SAMD4A: variants seen among roughly 807,000 people sequenced by gnomAD.
The protein encoded by SAMD4A is protein Smaug homolog 1.
SAMD4A carries 33 observed loss-of-function variants against 81.3 expected under a neutral mutation model. The observed-to-expected ratio is 0.41, with a 90% CI of 0.31 to 0.54. The LOEUF (loss-of-function observed/expected upper bound fraction) is 0.54, where lower values mean the gene tolerates loss of function less well. Among genes scored for constraint, SAMD4A ranks in the 20% least tolerant of loss-of-function variants. The probability of loss-of-function intolerance (pLI) is 0.37; values close to 1 mark genes in which losing one functional copy is unlikely to be tolerated. For missense variants in SAMD4A, 854 were observed against 951.1 expected (o/e 0.90, Z 1.34); for synonymous variants, 389 against 382.1 (o/e 1.02, Z -0.21).
At chr14:54,638,913 A>T (rs1329426108) in intron 2 of SAMD4A, among the ~76,000 whole-genome samples, 1 of 152,258 alleles carries the variant, frequency 6.6e-6, no homozygotes, top group Non-Finnish European at 1.5e-5. Context: ...AAGAGAGTTT[A>T]CTGCCTAAAT....
At chr14:54,741,715 C>A (rs1226588230) in intron 4 of SAMD4A, among the ~76,000 whole-genome samples, 1 of 152,180 alleles carries the variant, frequency 6.6e-6, no homozygotes, top group East Asian at 1.9e-4. Flanking sequence ...GGAGATAAGT[C>A]AAGGAAAGTT....
chr14:54,703,564 T>C (rs1159754371), intron 3 of SAMD4A: 2 of 152,018 alleles, frequency 1.3e-5, no homozygotes, highest in Non-Finnish European at 2.9e-5. Context: ...AGTTAAAAGA[T>C]ATGAGAGGAT....
chr14:54,770,196 C>T lies in SAMD4A; in HGVS notation c.1689C>T (p.Asp563=), dbSNP rs761374701. The T allele has an allele frequency of 9.9e-6, 16 of 1,612,366 alleles. No individual in the cohort carries two copies. Among genetic ancestry groups the T allele is most frequent in the Admixed American group, 6.7e-5 (4 of 59,998 alleles). Residue 563 remains aspartate (D), a synonymous_variant, in exon 9 of 13, where the codon GAC becomes GAT. Coordinates refer to ENST00000554335, the MANE Select transcript of SAMD4A (RefSeq NM_015589.6). ...CTTTCCCTCGGAAAACCCTTCTAGA[C>T]ATATCAGGATATCGACAGCAAAGAA... ...FRSFPRKTLL[D]ISGYRQQRNR...
intron 2 of SAMD4A, among the ~76,000 whole-genome samples, chr14:54,686,248 G>A (rs760815323): frequency 3.9e-5 from 6 of 152,194 alleles, no homozygotes; most frequent in Non-Finnish European, 7.3e-5. Context: ...ATCAGCTGAG[G>A]TGGGGATGCC....
chr14:54,748,797 G>A lies in SAMD4A; in HGVS notation c.980-18G>A, dbSNP rs1381923872. 1.3e-6 allele frequency: 2 copies of A among 1,515,390 alleles called. No homozygotes were observed. The highest frequency in any genetic ancestry group is 2.0e-5 in the Admixed American group (1 of 50,820). The allele number at this position is 1,515,390 out of a possible 1,614,324, so 93.9% of individuals were successfully genotyped here. A position where few individuals can be genotyped will look rare whatever the true frequency, so the allele number is the denominator to read the frequency against. ...CCTCTCATTTCTCTCCCCATCTCTT[G>A]CACATCTTGCACCACAGATGTTCCA... On this transcript the variant is annotated intron_variant, in intron 4 of 12. Coordinates refer to ENST00000554335, the MANE Select transcript of SAMD4A (RefSeq NM_015589.6).
intron 2 of SAMD4A, among the ~76,000 whole-genome samples, chr14:54,700,797 T>C (rs1309488168): frequency 6.6e-6 from 1 of 152,178 alleles, no homozygotes; most frequent in Admixed American, 6.5e-5. Flanking sequence ...CTTCTGAGTG[T>C]GTTAAAAACA....
intron 2 of SAMD4A, among the ~76,000 whole-genome samples, chr14:54,677,695 G>A (rs1194090609): frequency 2.6e-5 from 4 of 152,250 alleles, no homozygotes; most frequent in East Asian, 1.9e-4. Flanking sequence ...ATTTTTGTGG[G>A]GCAGATTGTT....
At chr14:54,695,025 C>T in intron 2 of SAMD4A, 1 of 548,688 alleles carries the variant, frequency 1.8e-6, no homozygotes, top group Non-Finnish European at 2.3e-6. Flanking sequence ...ACCTGATGAC[C>T]TTCTGCTGTC....
intron 3 of SAMD4A, among the ~76,000 whole-genome samples, chr14:54,729,072 G>A (rs1387711587): frequency 6.6e-6 from 1 of 152,122 alleles, no homozygotes; most frequent in African/African-American, 2.4e-5. Flanking sequence ...GACAAGTGCT[G>A]GTAGCAACAA....
At chr14:54,686,631 A>G (rs997943750) in intron 2 of SAMD4A, among the ~76,000 whole-genome samples, 3 of 151,530 alleles carry the variant, frequency 2.0e-5, no homozygotes, top group Non-Finnish European at 4.4e-5. Context: ...AAAGGAGAGT[A>G]TTATGAATGT....
chr14:54,697,336 A>G (rs2036602106), intron 2 of SAMD4A, among the ~76,000 whole-genome samples: 1 of 152,226 alleles, frequency 6.6e-6, no homozygotes, highest in African/African-American at 2.4e-5. Context: ...CCAAGTCCAT[A>G]TAATCAGCAC....
intron 11 of SAMD4A, among the ~76,000 whole-genome samples, chr14:54,778,456 G>A (rs1472700643): frequency 6.6e-6 from 1 of 152,174 alleles, no homozygotes; most frequent in East Asian, 1.9e-4. Context: ...TGTGGTTAAA[G>A]AATCAAATAA....
chr14:54,592,030 TTCC>T (rs558016564), intron 2 of SAMD4A, among the ~76,000 whole-genome samples: 33 of 152,160 alleles, frequency 2.2e-4, no homozygotes, highest in African/African-American at 7.7e-4. Context: ...TAAACTGCCC[TTCC>T]TCCTCAAAGC....
At chr14:54,783,533 C>T (rs1008195687) in intron 11 of SAMD4A, among the ~76,000 whole-genome samples, 2 of 152,190 alleles carry the variant, frequency 1.3e-5, no homozygotes, top group Non-Finnish European at 2.9e-5. Context: ...ACAGCACTGT[C>T]GGTCAGTGGG....
At position 54,569,065 on chromosome 14, in the gene SAMD4A, G is replaced by A. The variant is rs191846273; in HGVS notation, c.196+953G>A. Reference sequence around the variant, plus strand: ...CTGATGGTTGTGATTTTGGATAGGGGGAAATTCTTTAGTTCATGCTGCTGC... The same window carrying A: ...CTGATGGTTGTGATTTTGGATAGGGAGAAATTCTTTAGTTCATGCTGCTGC... On this transcript the variant is annotated intron_variant, in intron 2 of 12. Transcript: ENST00000554335. 1.8e-4 allele frequency among the ~76,000 whole-genome samples: 28 copies of A among 152,032 alleles called. No individual in the cohort carries two copies. In the East Asian group the frequency reaches 4.6e-3, roughly 25 times the overall value.
rs142343958 is a variant in SAMD4A, at chr14:54,594,064, G to C, written c.196+25952G>C. Among the ~76,000 whole-genome samples the C allele has an allele frequency of 1.5e-3, 225 of 152,074 alleles. 4 individuals carry two copies. The South Asian group carries it at 0.027, about 18-fold the overall frequency. On this transcript the variant is annotated intron_variant, in intron 2 of 12. Coordinates refer to ENST00000554335, the MANE Select transcript of SAMD4A (RefSeq NM_015589.6). Reference sequence around the variant, plus strand: ...AAATGTCTTTGTTTCTTCTGTTGCAGAAGTAAAACATGATTGCTATTAAAA... The same window carrying C: ...AAATGTCTTTGTTTCTTCTGTTGCACAAGTAAAACATGATTGCTATTAAAA...
intron 2 of SAMD4A, among the ~76,000 whole-genome samples, chr14:54,619,978 T>A (rs568609195): frequency 6.6e-6 from 1 of 152,304 alleles, no homozygotes; most frequent in South Asian, 2.1e-4. Flanking sequence ...TTCTTTTTTT[T>A]AATTGATCTC....
chr14:54,640,504 C>T (rs2035149866), intron 2 of SAMD4A, among the ~76,000 whole-genome samples: 1 of 152,116 alleles, frequency 6.6e-6, no homozygotes, highest in Admixed American at 6.5e-5. Context: ...GGAAAGGGCT[C>T]CTTTTCCAAA....
chr14:54,628,944 G>A (rs1275783533), intron 2 of SAMD4A, among the ~76,000 whole-genome samples: 2 of 152,108 alleles, frequency 1.3e-5, no homozygotes, highest in African/African-American at 2.4e-5. Context: ...ATTGTTACAG[G>A]TTGAATTGTG....
Sources: allele counts gnomAD v4.1 joint callset (sites outside exome capture counted in the v4.1 genomes callset), GRCh38; gene constraint gnomAD v4.1.1; transcripts MANE v1.5; gene names NCBI Gene and HGNC (gene_info 2026-07-23, HGNC 2026-07-21).